Variants in HAS3 observed in about 807,000 individuals in gnomAD.
The protein encoded by HAS3 is HA synthase 3.
Under a neutral mutation model 50.3 loss-of-function variants are expected in HAS3, and 27 were observed. That is an observed-to-expected ratio of 0.54 (90% CI 0.40 to 0.74). The LOEUF (loss-of-function observed/expected upper bound fraction) is 0.74. Ranked by LOEUF, HAS3 falls within the 30% of genes least tolerant of loss-of-function variation. The pLI is 0.00. For missense variants in HAS3, 517 were observed against 742.8 expected (o/e 0.70, Z 3.53); for synonymous variants, 339 against 310.9 (o/e 1.09, Z -0.95).
chr16:69,116,568 C>G lies in HAS3; in HGVS notation c.*1302C>G, dbSNP rs1961190865. 5.1e-6 allele frequency: 5 copies of G among 985,606 alleles called. No homozygotes were observed. In the South Asian group the frequency reaches 1.9e-4, roughly 37 times the overall value. 61.1% of individuals were successfully genotyped at this position (985,606 alleles called of 1,614,324 possible). ...TGGCTTCTCCAGGGAATTCTTACAG[C>G]CAAGTTGTGACAGTCACTGCATTTG... is the stretch of plus-strand genomic sequence containing the variant. On this transcript the variant is annotated 3_prime_UTR_variant, in exon 4 of 4. Coordinates refer to ENST00000569188, the MANE Select transcript of HAS3 (RefSeq NM_001199280.2).
chr16:69,100,604 C>T, the HAS3 span, among the ~76,000 whole-genome samples: 5 of 152,164 alleles, frequency 3.3e-5, no homozygotes, highest in South Asian at 1.0e-3. Context: ...TCCCGCCTCC[C>T]CTGCTCAAGC....
chr16:69,090,773 A>G, the HAS3 span, among the ~76,000 whole-genome samples: 160 of 152,290 alleles, frequency 1.1e-3, no homozygotes, highest in Middle Eastern at 6.8e-3. Flanking sequence ...GGGTTTCGCC[A>G]TGTTGCCCAG....
chr16:69,107,598 G>C lies in HAS3; in HGVS notation c.1-1798G>C, dbSNP rs1960849988. 4 of 985,460 alleles carry C rather than the reference G, an allele frequency of 4.1e-6. No homozygotes were observed. The African/African-American group carries it at 5.2e-5, about 13-fold the overall frequency. 61.0% of individuals were successfully genotyped at this position (985,460 alleles called of 1,614,324 possible). A position where few individuals can be genotyped will look rare whatever the true frequency, so the allele number is the denominator to read the frequency against. On this transcript the variant is annotated intron_variant, in intron 1 of 3. Transcript: ENST00000569188. The surrounding 1 kb of genome is among the most constrained non-coding windows in gnomAD (Gnocchi z 5.5). ...GCCGCCTCCGGCACTGCACCGAGGC[G>C]GGGCGCCAGCGCCCAGGTTGCTGGG...
At chr16:69,091,136 A>G in the HAS3 span, among the ~76,000 whole-genome samples, 1 of 152,214 alleles carries the variant, frequency 6.6e-6, no homozygotes, top group Non-Finnish European at 1.5e-5. Context: ...GCCCAAGATT[A>G]CCACTGACAA....
chr16:69,110,658 G>A (rs969355848), intron 2 of HAS3, among the ~76,000 whole-genome samples: 23 of 152,168 alleles, frequency 1.5e-4, no homozygotes, highest in South Asian at 4.1e-4. Flanking sequence ...GAAGGTGAAA[G>A]CAAAGCACAG....
In HAS3 at chr16:69,116,859, AC is replaced by A. The variant is rs1422387606; in HGVS notation, c.*1596del. The A allele has an allele frequency of 3.0e-6, 3 of 985,290 alleles. No homozygotes were observed. The highest frequency in any genetic ancestry group is 1.2e-4 in the Admixed American group (2 of 16,256). 61.0% of individuals were successfully genotyped at this position (985,290 alleles called of 1,614,324 possible). On this transcript the variant is annotated 3_prime_UTR_variant, in exon 4 of 4. Transcript: ENST00000569188. ...TGTCCTTTCTCAGAGGGGCCAGCTA[AC>A]CCGTGCAGAACCAGCACTAAGGTGG...
chr16:69,091,119 A>C, the HAS3 span, among the ~76,000 whole-genome samples: 1 of 152,130 alleles, frequency 6.6e-6, no homozygotes, highest in Admixed American at 6.6e-5. Flanking sequence ...ATCTCACCTC[A>C]ACTCCTGCCC....
At chr16:69,101,812 T>A (rs773004482), upstream of HAS3, among the ~76,000 whole-genome samples, 16 of 150,986 alleles carry the variant, frequency 1.1e-4, no homozygotes, top group Middle Eastern at 3.4e-3. Context: ...TGAGACGGGG[T>A]CTCGCCCTGT....
chr16:69,109,672 G>A lies in HAS3; in HGVS notation c.277G>A (p.Ala93Thr), dbSNP rs944780347. 5.6e-6 allele frequency: 9 copies of A among 1,610,086 alleles called. No homozygotes were observed. The highest frequency in any genetic ancestry group is 7.6e-6 in the Non-Finnish European group (9 of 1,179,906). ...RRGSVALCIA[A>T]YQEDPDYLRK... Reference sequence around the variant, plus strand: ...GGGCTCGGTGGCACTGTGCATTGCCGCATACCAGGAGGACCCTGACTACTT... The same window carrying A: ...GGGCTCGGTGGCACTGTGCATTGCCACATACCAGGAGGACCCTGACTACTT... Residue 93 changes from alanine (A) to threonine (T), a missense_variant, in exon 2 of 4, where the codon GCA becomes ACA. Physicochemically the swap from Ala to Thr is moderately conservative, Grantham distance 58. Coordinates refer to ENST00000569188, the MANE Select transcript of HAS3 (RefSeq NM_001199280.2). The surrounding 1 kb of genome is among the most constrained non-coding windows in gnomAD (Gnocchi z 5.3).
At chr16:69,101,987 T>C (rs909717970), upstream of HAS3, among the ~76,000 whole-genome samples, 3 of 152,194 alleles carry the variant, frequency 2.0e-5, no homozygotes, top group Non-Finnish European at 4.4e-5. Flanking sequence ...GGTTTCACCA[T>C]GTTGGCCAGG....
At chr16:69,099,116 T>A in the HAS3 span, among the ~76,000 whole-genome samples, 1 of 150,300 alleles carries the variant, frequency 6.7e-6, no homozygotes, top group Non-Finnish European at 1.5e-5. Flanking sequence ...GAATACAGGC[T>A]AATAAAAAAT....
At chr16:69,088,554 T>A in the HAS3 span, among the ~76,000 whole-genome samples, 1 of 119,936 alleles carries the variant, frequency 8.3e-6, no homozygotes, top group Non-Finnish European at 1.6e-5. Context: ...CAAGACTCCA[T>A]CTCAAAAAAA....
intron 1 of HAS3, among the ~76,000 whole-genome samples, chr16:69,108,678 C>G (rs1267081522): frequency 6.6e-6 from 1 of 152,192 alleles, no homozygotes; most frequent in African/African-American, 2.4e-5. Context: ...AGGCTGTCCA[C>G]TCCCCAGCTT....
chr16:69,111,596 AT>A (rs1462772500), intron 2 of HAS3, among the ~76,000 whole-genome samples: 1 of 152,136 alleles, frequency 6.6e-6, no homozygotes, highest in Non-Finnish European at 1.5e-5. Context: ...GCTCACTCAG[AT>A]TGCGTGTCTG....
upstream of HAS3, among the ~76,000 whole-genome samples, chr16:69,105,005 T>TTTG (rs1960752708): frequency 1.3e-5 from 1 of 75,616 alleles, no homozygotes; most frequent in South Asian, 4.9e-4. Context: ...TTTTTTTTTT[T>TTTG]TTTTTTTTTT....
chr16:69,110,256 CCTGG>C (rs1429401017), intron 2 of HAS3, among the ~76,000 whole-genome samples: 5 of 152,152 alleles, frequency 3.3e-5, no homozygotes, highest in Non-Finnish European at 7.4e-5. Context: ...TCCAGACCAT[CCTGG>C]CTAACACGGT....
the HAS3 span, among the ~76,000 whole-genome samples, chr16:69,094,844 G>C: frequency 6.6e-6 from 1 of 152,134 alleles, no homozygotes; most frequent in Admixed American, 6.5e-5. Flanking sequence ...GGAGAGACCT[G>C]GGGACTCATC....
Position 69,117,654 on chromosome 16 carries a change from C to T in HAS3, c.*2388C>T. 1 of 956,772 alleles carries T rather than the reference C, an allele frequency of 1.0e-6. No individual in the cohort carries two copies. Among genetic ancestry groups the T allele is most frequent in the Non-Finnish European group, 1.2e-6 (1 of 804,480 alleles). The allele number at this position is 956,772 out of a possible 1,614,324, so 59.3% of individuals were successfully genotyped here. The stretch of plus-strand genomic sequence containing the variant: ...GTCAAAATAAAGATTCTCACATATG[C>T]CGGTTATCTCGAAACTACTACTTTG... On this transcript the variant is annotated 3_prime_UTR_variant, in exon 4 of 4. Transcript: ENST00000569188.
At chr16:69,113,598 C>A in intron 3 of HAS3, 56 bp downstream of exon 3, 1 of 1,023,026 alleles carries the variant, frequency 9.8e-7, no homozygotes, top group Non-Finnish European at 1.5e-6. Flanking sequence ...TTTCCTAATC[C>A]AATTGGATAT....
Sources: gnomAD v4.1 joint callset for allele counts (sites outside exome capture counted in the v4.1 genomes callset) on GRCh38, gnomAD v4.1.1 for gene constraint, Gnocchi (gnomAD v3.1) non-coding constraint, MANE v1.5 for transcripts, NCBI Gene and HGNC (gene_info 2026-07-23, HGNC 2026-07-21) for gene names.